Variants in FAU observed in about 807,000 individuals in gnomAD.
FAU encodes ubiquitin-like FUBI-ribosomal protein eS30 fusion protein.
For missense variants in FAU, 125 were observed against 173.9 expected, an observed-to-expected ratio of 0.72 and a Z score of 1.58; for synonymous variants, 70 against 69.9, an observed-to-expected ratio of 1.00 and a Z score of -0.01.
In FAU at chr11:65,120,803, C is replaced by T. The variant is rs1265343779; in HGVS notation, c.280G>A (p.Ala94Thr). Residue 94 changes from alanine to threonine, a missense_variant, in exon 5 of 5, where the codon GCC (alanine) becomes ACC (threonine). Coordinates refer to ENST00000529639, the MANE Select transcript of FAU (RefSeq NM_001997.5). The part of the protein sequence containing the change: ...GKVRGQTPKV[A>T]KQEKKKKKTG... ...TTCTTCTTCTTCTTCTCCTGTTTGG[C>T]CACCTGGAGAAGGGAAGGTTAATCA... The T allele has an allele frequency of 1.9e-6, 3 of 1,613,896 alleles. No individual in the cohort carries two copies. The Admixed American group carries it at 5.0e-5, about 27-fold the overall frequency.
intron 1 of FAU, 61 bp downstream of exon 1, chr11:65,122,028 CT>C: frequency 1.6e-6 from 1 of 615,254 alleles, no homozygotes; most frequent in Non-Finnish European, 2.8e-6. Flanking sequence ...CCCCCCGCGC[CT>C]TCTGACCCCG....
At chr11:65,121,946 GAAGGCCAGGCCTCCC>G in intron 1 of FAU, 125 bp from the exon 2 acceptor site, 1 of 925,000 alleles carries the variant, frequency 1.1e-6, no homozygotes, top group South Asian at 1.5e-5. Context: ...CTCACGTGGG[GAAGGCCAGGCCTCCC>G]AAGGAGTTCG....
chr11:65,121,453 CACTA>C (rs1476278341), intron 3 of FAU, 43 bp downstream of exon 3: 1 of 1,596,054 alleles, frequency 6.3e-7, no homozygotes, highest in South Asian at 1.1e-5. Flanking sequence ...ACCCCACACT[CACTA>C]GACGCTTACC....
intron 4 of FAU, 69 bp downstream of exon 4, chr11:65,120,912 C>T: frequency 6.2e-7 from 1 of 1,610,172 alleles, no homozygotes; most frequent in Admixed American, 1.7e-5. Context: ...GAGTAAGAGC[C>T]CAGGGACTTG....
intron 1 of FAU, 42 bp from the exon 2 acceptor site, chr11:65,121,863 G>A (rs1027995882): frequency 6.3e-7 from 1 of 1,592,398 alleles, no homozygotes. Context: ...GCCAAGAAAT[G>A]CTCTGGGATA....
At chr11:65,121,392 T>TGA in intron 3 of FAU, 108 bp downstream of exon 3, 2 of 1,393,654 alleles carry the variant, frequency 1.4e-6, no homozygotes, top group South Asian at 2.7e-5. Flanking sequence ...CTGAAGACAG[T>TGA]GAGAAGTACT....
intron 1 of FAU, 46 bp downstream of exon 1, chr11:65,122,044 C>T: frequency 1.7e-6 from 1 of 605,550 alleles, no homozygotes. Context: ...ACCCCGCAGC[C>T]AACCTGCTAC....
chr11:65,121,552 C>T lies in FAU; in HGVS notation c.168G>A (p.Gln56=), dbSNP rs1320254925. Residue 56 remains glutamine, a synonymous_variant, in exon 3 of 5, where the codon CAG becomes CAA. Coordinates refer to ENST00000529639, the MANE Select transcript of FAU (RefSeq NM_001997.5). The part of the protein sequence containing the change: ...APLEDEATLG[Q]CGVEALTTLE... ...GGGTAGTCAGGGCCTCCACCCCGCA[C>T]TGGCCCAGAGTGGCCTCATCCTCCA... 6.2e-7 allele frequency: 1 copy of T among 1,614,034 alleles called. No homozygotes were observed. Among genetic ancestry groups the T allele is most frequent in the Middle Eastern group, 1.6e-4 (1 of 6,062 alleles).
Position 65,122,121 on chromosome 11 carries a change from G to A in FAU, c.-40C>T, listed in dbSNP as rs1163356641. On this transcript the variant is annotated 5_prime_UTR_variant, in exon 1 of 5. Coordinates refer to ENST00000529639, the MANE Select transcript of FAU (RefSeq NM_001997.5). Reference sequence around the variant, plus strand: ...GGCGGTCCCAGCTACCGCGAAGATGGAGTCGAGAAAGAGGAAGAAGCGAGG... The same window carrying A: ...GGCGGTCCCAGCTACCGCGAAGATGAAGTCGAGAAAGAGGAAGAAGCGAGG... 3 of 602,060 alleles carry A rather than the reference G, an allele frequency of 5.0e-6. No individual in the cohort carries two copies. Among genetic ancestry groups the A allele is most frequent in the Non-Finnish European group, 8.8e-6 (3 of 339,694 alleles). The allele number at this position is 602,060 out of a possible 1,614,324, so 37.3% of individuals were successfully genotyped here. A position where few individuals can be genotyped will look rare whatever the true frequency, so the allele number is the denominator to read the frequency against.
rs1434180105 is a variant in FAU at position 65,120,665 on chromosome 11, C to G, written c.*16G>C. 6.2e-7 allele frequency: 1 copy of G among 1,612,480 alleles called. No homozygotes were observed. The highest frequency in any genetic ancestry group is 1.1e-5 in the South Asian group (1 of 90,798). ...AAGTGGCTTTTTTATTAGAGAAAGCCAGAATTACAAAAGACTTAAGAGTTG... is the reference window on the plus strand; with the variant it reads ...AAGTGGCTTTTTTATTAGAGAAAGCGAGAATTACAAAAGACTTAAGAGTTG... On this transcript the variant is annotated 3_prime_UTR_variant, in exon 5 of 5. Coordinates refer to ENST00000529639, the MANE Select transcript of FAU (RefSeq NM_001997.5).
intron 3 of FAU, 24 bp from the exon 4 acceptor site, chr11:65,121,060 A>G: frequency 2.5e-6 from 4 of 1,613,666 alleles, no homozygotes; most frequent in Non-Finnish European, 3.4e-6. Flanking sequence ...GGAAGGCACC[A>G]GCAGGTAAGA....
At chr11:65,122,000 AG>A in intron 1 of FAU, 89 bp downstream of exon 1, 1 of 646,716 alleles carries the variant, frequency 1.5e-6, no homozygotes, top group Non-Finnish European at 2.6e-6. Flanking sequence ...GCCACGGAGC[AG>A]GCCCCGTTCT....
At chr11:65,121,204 C>T in intron 3 of FAU, 168 bp from the exon 4 acceptor site, 2 of 815,314 alleles carry the variant, frequency 2.5e-6, no homozygotes, top group East Asian at 2.6e-5. Flanking sequence ...TCAGGATCTT[C>T]CAGCTTCTAA....
At chr11:65,121,894 A>T (rs1948052667) in intron 1 of FAU, 73 bp from the exon 2 acceptor site, 2 of 1,506,502 alleles carry the variant, frequency 1.3e-6, no homozygotes, top group Non-Finnish European at 1.8e-6. Flanking sequence ...GGGAGTGGAA[A>T]GCGGTCCAGA....
At position 65,122,110 on chromosome 11, in the gene FAU, C is replaced by T; in HGVS notation, c.-29G>A. On this transcript the variant is annotated 5_prime_UTR_variant, in exon 1 of 5. Transcript: ENST00000529639. ...CTTACCTGAACGGCGGTCCCAGCTA[C>T]CGCGAAGATGGAGTCGAGAAAGAGG... is the stretch of plus-strand genomic sequence containing the variant. 3.3e-6 allele frequency: 2 copies of T among 599,962 alleles called. No homozygotes were observed. Among genetic ancestry groups the T allele is most frequent in the Middle Eastern group, 4.4e-4 (1 of 2,272 alleles). 37.2% of individuals were successfully genotyped at this position (599,962 alleles called of 1,614,324 possible).
intron 3 of FAU, 26 bp from the exon 4 acceptor site, chr11:65,121,062 C>G (rs772593390): frequency 2.5e-6 from 4 of 1,613,606 alleles, no homozygotes; most frequent in Non-Finnish European, 3.4e-6. Context: ...AAGGCACCAG[C>G]AGGTAAGAGC....
Position 65,121,831 on chromosome 11 carries a change from G to C in FAU, c.-8-10C>G, listed in dbSNP as rs781263824. On this transcript the variant is annotated splice_polypyrimidine_tract_variant and intron_variant, in intron 1 of 4. Transcript: ENST00000529639. Reference sequence around the variant, plus strand: ...AGCTGCATATTGGCGACTGAGTAAAGAAAAGACGGCTTGTAAGAGAAGCCA... The same window carrying C: ...AGCTGCATATTGGCGACTGAGTAAACAAAAGACGGCTTGTAAGAGAAGCCA... The C allele has an allele frequency of 1.9e-6, 3 of 1,613,572 alleles. No homozygotes were observed. The highest frequency in any genetic ancestry group is 1.7e-5 in the Admixed American group (1 of 59,998).
At chr11:65,121,229 T>C (rs1948044044) in intron 3 of FAU, 193 bp from the exon 4 acceptor site, 1 of 745,184 alleles carries the variant, frequency 1.3e-6, no homozygotes, top group Non-Finnish European at 2.1e-6. Flanking sequence ...ATAGAGCACT[T>C]TGGGGGCCCT....
chr11:65,122,037 C>G, intron 1 of FAU, 53 bp downstream of exon 1: 1 of 608,010 alleles, frequency 1.6e-6, no homozygotes, highest in Non-Finnish European at 2.9e-6. Flanking sequence ...CCTTCTGACC[C>G]CGCAGCCAAC....
Sources: allele counts gnomAD v4.1 joint callset, GRCh38; gene constraint gnomAD v4.1.1; transcripts MANE v1.5; gene names NCBI Gene and HGNC (gene_info 2026-07-23, HGNC 2026-07-21).